HYCC2: variants seen among roughly 807,000 people sequenced by gnomAD.
HYCC2 encodes hyccin PI4KA lipid kinase complex subunit 2.
the HYCC2 span, among the ~76,000 whole-genome samples, chr2:201,026,763 C>T: frequency 2.6e-4 from 39 of 152,204 alleles, no homozygotes; most frequent in African/African-American, 9.1e-4. Context: ...TCTTTGAAAC[C>T]AATGAGAACA....
the HYCC2 span, among the ~76,000 whole-genome samples, chr2:201,021,265 A>G: frequency 2.0e-5 from 3 of 152,184 alleles, no homozygotes; most frequent in South Asian, 4.1e-4. Context: ...GTCTGAACAC[A>G]TGGTTAGAGC....
the HYCC2 span, among the ~76,000 whole-genome samples, chr2:201,013,635 G>A: frequency 1.3e-5 from 2 of 152,148 alleles, no homozygotes; most frequent in South Asian, 2.1e-4. Flanking sequence ...AATTATGGTA[G>A]GAAAATAGGT....
chr2:201,059,195 C>T, the HYCC2 span, among the ~76,000 whole-genome samples: 2 of 152,164 alleles, frequency 1.3e-5, no homozygotes, highest in Non-Finnish European at 2.9e-5. Context: ...GATCTCGGGA[C>T]TTGTCAGCCT....
chr2:201,048,606 CA>C, the HYCC2 span, among the ~76,000 whole-genome samples: 1 of 150,986 alleles, frequency 6.6e-6, no homozygotes, highest in African/African-American at 2.4e-5. Context: ...CCAGGGAAGC[CA>C]AAAGAGTAGA....
chr2:201,048,896 G>A, the HYCC2 span, among the ~76,000 whole-genome samples: 1 of 152,046 alleles, frequency 6.6e-6, no homozygotes. Flanking sequence ...TGGGAGGCTT[G>A]AGCTCAGGAG....
chr2:200,973,962 C>A, the HYCC2 span: 1 of 152,022 alleles, frequency 6.6e-6, no homozygotes, highest in Admixed American at 6.5e-5. Flanking sequence ...TTTCACATTT[C>A]AACAATCAAC....
At chr2:201,070,480 C>A in the HYCC2 span, among the ~76,000 whole-genome samples, 1 of 152,032 alleles carries the variant, frequency 6.6e-6, no homozygotes, top group Non-Finnish European at 1.5e-5. Flanking sequence ...TGGAGAAACC[C>A]CGTATCTACT....
At chr2:201,061,433 AAAAAT>A in the HYCC2 span, 1 of 152,128 alleles carries the variant, frequency 6.6e-6, no homozygotes, top group Non-Finnish European at 1.5e-5. Context: ...ATCTGAAAAA[AAAAAT>A]AAAATAAAAT....
the HYCC2 span, chr2:200,997,161 G>A: frequency 3.9e-5 from 9 of 231,686 alleles, no homozygotes; most frequent in East Asian, 6.9e-4. Flanking sequence ...AGGCCCAGGC[G>A]GGAGGATCCC....
the HYCC2 span, among the ~76,000 whole-genome samples, chr2:200,997,914 T>C: frequency 6.6e-6 from 1 of 152,162 alleles, no homozygotes; most frequent in Non-Finnish European, 1.5e-5. Flanking sequence ...CACATGCCTG[T>C]AGTCCCAGCT....
chr2:201,013,586 G>A, the HYCC2 span, among the ~76,000 whole-genome samples: 1 of 151,906 alleles, frequency 6.6e-6, no homozygotes, highest in African/African-American at 2.4e-5. Flanking sequence ...TTATGTCAGA[G>A]AAGAATACCA....
chr2:201,024,071 G>A, the HYCC2 span: 4 of 1,245,938 alleles, frequency 3.2e-6, no homozygotes, highest in Non-Finnish European at 4.7e-6. Flanking sequence ...GCTGAGGACA[G>A]TAGTACTTAT....
the HYCC2 span, among the ~76,000 whole-genome samples, chr2:201,030,497 T>A: frequency 3.4e-4 from 52 of 152,250 alleles, no homozygotes; most frequent in African/African-American, 1.3e-3. Flanking sequence ...AATGTAGTCA[T>A]ATGTTCACAT....
chr2:200,997,389 G>A, the HYCC2 span: 2 of 1,244,482 alleles, frequency 1.6e-6, no homozygotes, highest in South Asian at 1.2e-5. Flanking sequence ...TAGAGAATGT[G>A]CTCAATAAAT....
the HYCC2 span, among the ~76,000 whole-genome samples, chr2:201,046,868 T>C: frequency 4.2e-3 from 635 of 152,336 alleles, 1 homozygote; most frequent in Middle Eastern, 0.02. Flanking sequence ...AGCACCTCTA[T>C]GGTTCTTTCA....
the HYCC2 span, among the ~76,000 whole-genome samples, chr2:201,011,802 C>A: frequency 1.3e-5 from 2 of 152,128 alleles, no homozygotes; most frequent in African/African-American, 2.4e-5. Context: ...GGGAAGATTA[C>A]AAGTGATTAG....
chr2:200,990,680 C>A, the HYCC2 span, among the ~76,000 whole-genome samples: 367 of 151,980 alleles, frequency 2.4e-3, 3 homozygotes, highest in African/African-American at 8.5e-3. Context: ...TTAAGCAATT[C>A]TTTGCCTCAG....
chr2:200,985,658 C>A, the HYCC2 span, among the ~76,000 whole-genome samples: 1 of 151,756 alleles, frequency 6.6e-6, no homozygotes, highest in Admixed American at 6.6e-5. Context: ...TGAGATCCTG[C>A]CTCAAAAAAA....
At chr2:201,036,733 A>G in the HYCC2 span, among the ~76,000 whole-genome samples, 2 of 152,166 alleles carry the variant, frequency 1.3e-5, no homozygotes, top group South Asian at 4.1e-4. Flanking sequence ...TTAGATACTG[A>G]TGGAACATAT....
Sources: allele counts gnomAD v4.1 joint callset (sites outside exome capture counted in the v4.1 genomes callset), GRCh38; gene constraint gnomAD v4.1.1; transcripts MANE v1.5; gene names NCBI Gene and HGNC (gene_info 2026-07-23, HGNC 2026-07-21).